MYRIP: variants seen among roughly 807,000 people sequenced by gnomAD.
The protein encoded by MYRIP is myosin VIIA and Rab interacting protein.
A neutral mutation model predicts 98.0 loss-of-function variants in MYRIP; 49 were observed. The observed-to-expected ratio is 0.50, with a 90% CI of 0.40 to 0.63. The LOEUF is 0.63. Ranked by LOEUF, MYRIP falls within the 30% of genes least tolerant of loss-of-function variation. The pLI is 0.00. For synonymous variants in MYRIP, 404 were observed against 409.5 expected (o/e 0.99, Z 0.16); for missense variants, 1,004 against 1,058.2 (o/e 0.95, Z 0.71).
intron 10 of MYRIP, among the ~76,000 whole-genome samples, chr3:40,201,765 T>G (rs1198391194): frequency 2.0e-5 from 3 of 152,226 alleles, no homozygotes; most frequent in Non-Finnish European, 4.4e-5. Flanking sequence ...TGTATATTTG[T>G]GTATGTGTCT....
intron 3 of MYRIP, among the ~76,000 whole-genome samples, chr3:40,132,473 C>T (rs1454664323): frequency 2.0e-5 from 3 of 152,224 alleles, no homozygotes; most frequent in African/African-American, 7.2e-5. Context: ...AAGAGCTGGA[C>T]TGTTCAGTGG....
chr3:39,929,322 T>C (rs1053014740), intron 2 of MYRIP, among the ~76,000 whole-genome samples: 3 of 152,052 alleles, frequency 2.0e-5, no homozygotes, highest in African/African-American at 7.2e-5. Context: ...CAAATTGATA[T>C]GTAAATATAA....
At chr3:40,098,964 C>G (rs1028911554) in intron 3 of MYRIP, among the ~76,000 whole-genome samples, 3 of 151,886 alleles carry the variant, frequency 2.0e-5, no homozygotes, top group African/African-American at 7.3e-5. Flanking sequence ...AATTTCAAGT[C>G]AAGATCTCTT....
At chr3:40,061,427 C>T (rs60037145) in intron 3 of MYRIP, among the ~76,000 whole-genome samples, 44,032 of 152,116 alleles carry the variant, frequency 0.29, 6,457 homozygotes, top group East Asian at 0.36. Flanking sequence ...TTCTTTTTTA[C>T]GGCTGCATCA....
intron 2 of MYRIP, among the ~76,000 whole-genome samples, chr3:40,038,943 A>G (rs371562860): frequency 2.0e-5 from 3 of 152,252 alleles, no homozygotes; most frequent in African/African-American, 7.2e-5. Context: ...AAGAGAGGGG[A>G]CATATGGGAA....
chr3:40,093,666 G>A (rs946354534), intron 3 of MYRIP, among the ~76,000 whole-genome samples: 1 of 152,180 alleles, frequency 6.6e-6, no homozygotes, highest in South Asian at 2.1e-4. Context: ...ACTTTACCTG[G>A]GCTCATTCTT....
intron 2 of MYRIP, among the ~76,000 whole-genome samples, chr3:39,932,124 C>T (rs1329855482): frequency 1.3e-5 from 2 of 152,106 alleles, no homozygotes; most frequent in African/African-American, 2.4e-5. Context: ...CCTCATTAGC[C>T]CTCCACTGAA....
intron 1 of MYRIP, among the ~76,000 whole-genome samples, chr3:39,815,126 G>A (rs1351136453): frequency 6.6e-6 from 1 of 152,098 alleles, no homozygotes; most frequent in East Asian, 1.9e-4. Context: ...TTTGAACCCT[G>A]CAAAATAAAC....
chr3:40,059,996 G>A (rs918716733), intron 3 of MYRIP, among the ~76,000 whole-genome samples: 4 of 152,196 alleles, frequency 2.6e-5, no homozygotes, highest in Non-Finnish European at 4.4e-5. Flanking sequence ...TGACTAGGGA[G>A]TGGAATGGGA....
intron 2 of MYRIP, among the ~76,000 whole-genome samples, chr3:39,906,450 G>A (rs1943881683): frequency 6.6e-6 from 1 of 152,078 alleles, no homozygotes; most frequent in Non-Finnish European, 1.5e-5. Flanking sequence ...CCTCCATTTA[G>A]GAGAGTATGG....
chr3:39,960,256 C>T (rs1435314162), intron 2 of MYRIP, among the ~76,000 whole-genome samples: 1 of 152,046 alleles, frequency 6.6e-6, no homozygotes, highest in Non-Finnish European at 1.5e-5. Flanking sequence ...TTTATAGTGT[C>T]AGTCCCTCTC....
intron 1 of MYRIP, among the ~76,000 whole-genome samples, chr3:39,825,233 A>G (rs1233844261): frequency 6.6e-6 from 1 of 152,132 alleles, no homozygotes; most frequent in East Asian, 1.9e-4. Flanking sequence ...TACTATGTTG[A>G]ATAAAAGTGG....
At chr3:40,060,972 C>CAACAGGAT (rs1333337590) in intron 3 of MYRIP, among the ~76,000 whole-genome samples, 5 of 152,154 alleles carry the variant, frequency 3.3e-5, no homozygotes, top group Non-Finnish European at 7.3e-5. Context: ...CATTATAATT[C>CAACAGGAT]AACAGGATAT....
At chr3:40,245,982 G>A (rs555567721) in intron 13 of MYRIP, among the ~76,000 whole-genome samples, 119 of 143,586 alleles carry the variant, frequency 8.3e-4, no homozygotes, top group African/African-American at 1.9e-3. Flanking sequence ...GACTGGTCTC[G>A]AACTCCTGAC....
intron 2 of MYRIP, among the ~76,000 whole-genome samples, chr3:39,901,632 A>G (rs906361012): frequency 6.6e-6 from 1 of 152,178 alleles, no homozygotes; most frequent in Admixed American, 6.5e-5. Context: ...TCCCTCATCT[A>G]TAAAACCTAT....
intron 4 of MYRIP, among the ~76,000 whole-genome samples, chr3:40,162,329 A>G (rs1575587958): frequency 3.9e-5 from 6 of 152,312 alleles, no homozygotes; most frequent in South Asian, 4.1e-4. Flanking sequence ...CCAGACACCT[A>G]CTGGTGCTCA....
intron 3 of MYRIP, among the ~76,000 whole-genome samples, chr3:40,102,281 CCTAA>C (rs765011969): frequency 1.3e-5 from 2 of 152,168 alleles, no homozygotes; most frequent in Non-Finnish European, 2.9e-5. Flanking sequence ...GGACTAGAGG[CCTAA>C]CTATTTCATC....
intron 2 of MYRIP, among the ~76,000 whole-genome samples, chr3:39,998,014 G>A (rs1946412730): frequency 6.6e-6 from 1 of 152,156 alleles, no homozygotes; most frequent in Non-Finnish European, 1.5e-5. Flanking sequence ...CAGTAAATTA[G>A]GTATTGATGG....
At chr3:39,933,193 A>G (rs1944580109) in intron 2 of MYRIP, among the ~76,000 whole-genome samples, 1 of 152,210 alleles carries the variant, frequency 6.6e-6, no homozygotes, top group African/African-American at 2.4e-5. Context: ...CTCATGGGCC[A>G]AATCTGGACT....
Sources: gnomAD v4.1 joint callset for allele counts (sites outside exome capture counted in the v4.1 genomes callset) on GRCh38, gnomAD v4.1.1 for gene constraint, MANE v1.5 for transcripts, NCBI Gene and HGNC (gene_info 2026-07-23, HGNC 2026-07-21) for gene names.